Variants in SPAG17 observed in about 807,000 individuals in gnomAD.
SPAG17 encodes the protein sperm-associated antigen 17.
Under a neutral mutation model 273.6 loss-of-function variants are expected in SPAG17, and 169 were observed. That is an observed-to-expected ratio of 0.62 (90% confidence interval 0.55 to 0.70). SPAG17 has a LOEUF of 0.70. Among genes scored for constraint, SPAG17 ranks in the 30% least tolerant of loss-of-function variants. The pLI is 0.00. For missense variants in SPAG17, 2,557 were observed against 2,627.8 expected, an observed-to-expected ratio of 0.97 and a Z score of 0.59; for synonymous variants, 825 against 873.2, an observed-to-expected ratio of 0.94 and a Z score of 0.97.
chr1:117,989,600 G>A (rs1656843132), intron 38 of SPAG17, among the ~76,000 whole-genome samples: 3 of 152,054 alleles, frequency 2.0e-5, no homozygotes, highest in Admixed American at 2.0e-4. Flanking sequence ...TTTTGAGACA[G>A]GGTCTTGCTC....
chr1:118,031,651 G>C, intron 25 of SPAG17, 41 bp downstream of exon 25: 8 of 1,596,998 alleles, frequency 5.0e-6, no homozygotes, highest in Non-Finnish European at 6.8e-6. Context: ...TAACACTGAA[G>C]CAGAAACAGA....
At chr1:117,958,059 G>A (rs1311833283) in intron 48 of SPAG17, among the ~76,000 whole-genome samples, 5 of 152,118 alleles carry the variant, frequency 3.3e-5, no homozygotes, top group Non-Finnish European at 5.9e-5. Context: ...ATTCTCAAGC[G>A]GTTACAGCAG....
In SPAG17 at chr1:118,111,583, CA is replaced by C. The variant is rs1448185099; in HGVS notation, c.447+3726del. 2.1e-3 allele frequency among the ~76,000 whole-genome samples: 312 copies of C among 151,760 alleles called. 2 individuals carry two copies. Among genetic ancestry groups the C allele is most frequent in the African/African-American group, 7.2e-3 (297 of 41,362 alleles). ...ACACACACACACACACACACACACA[CA>C]CACACACAAATGGCATTACCTTGGC... On this transcript the variant is annotated intron_variant, in intron 4 of 48. Transcript: ENST00000336338.
At chr1:118,041,254 G>C (rs1205864752) in intron 21 of SPAG17, among the ~76,000 whole-genome samples, 1 of 152,078 alleles carries the variant, frequency 6.6e-6, no homozygotes, top group African/African-American at 2.4e-5. Context: ...CAGAGGTCCA[G>C]GGGATTTAAT....
chr1:117,997,454 G>A (rs1216457452), intron 32 of SPAG17, among the ~76,000 whole-genome samples: 2 of 151,366 alleles, frequency 1.3e-5, no homozygotes, highest in African/African-American at 4.9e-5. Flanking sequence ...GCTGGATCAG[G>A]GCTTATCTAC....
At chr1:118,056,987 T>C (rs561576035) in intron 18 of SPAG17, among the ~76,000 whole-genome samples, 1 of 151,938 alleles carries the variant, frequency 6.6e-6, no homozygotes, top group African/African-American at 2.4e-5. Flanking sequence ...TTTCTTTTTT[T>C]TTTTTGAGAC....
At position 118,025,380 on chromosome 1, in the gene SPAG17, A is replaced by G. The variant is rs1458512456; in HGVS notation, c.3767T>C (p.Ile1256Thr). The G allele has an allele frequency of 2.5e-6, 4 of 1,604,846 alleles. No homozygotes were observed. Among genetic ancestry groups the G allele is most frequent in the Non-Finnish European group, 3.4e-6 (4 of 1,176,744 alleles). Residue 1256 changes from isoleucine (I) to threonine (T), a missense_variant, in exon 27 of 49, where the codon ATC (isoleucine) becomes ACC (threonine). Physicochemically the swap from Ile to Thr is moderately conservative, Grantham distance 89. Transcript: ENST00000336338. ...CTGGGGGTAGCTCTGACGGACCATG[A>G]TGTCCCAGGTGGGTTCCTCATCTAT... ...YVIDEEPTWD[I>T]MVRQSYPQRV... is the part of the protein sequence containing the mutation.
chr1:118,119,636 CT>C (rs1260859982), intron 3 of SPAG17, among the ~76,000 whole-genome samples: 1 of 152,102 alleles, frequency 6.6e-6, no homozygotes, highest in East Asian at 1.9e-4. Flanking sequence ...ATATGAAGAC[CT>C]CAGCAAACAG....
intron 6 of SPAG17, 62 bp from the exon 7 acceptor site, chr1:118,097,913 T>C (rs940166524): frequency 3.3e-5 from 39 of 1,171,356 alleles, no homozygotes; most frequent in Non-Finnish European, 4.3e-5. Flanking sequence ...CCACTTTAAG[T>C]GAACATGGTG....
rs145492051 is a variant in SPAG17, at chr1:118,099,726, T to C, written c.709A>G (p.Met237Val). The C allele has an allele frequency of 4.3e-5, 69 of 1,613,828 alleles. No homozygotes were observed. The African/African-American group carries it at 7.9e-4, about 18-fold the overall frequency. The change falls in exon 6 of 49, where the codon ATG becomes GTG. Residue 237 changes from methionine to valine, a missense_variant. By Grantham distance (21) the Met-to-Val change is conservative. Transcript: ENST00000336338. ...GTTATAGGAATGCCAAGCTCAGCCA[T>C]AATTGCTAATAGCTGAGGATTGTTA... The part of the protein sequence containing the change: ...GFNNPQLLAI[M>V]AELGIPITSV...
At chr1:118,066,962 A>C in intron 17 of SPAG17, 63 bp from the exon 18 acceptor site, 2 of 1,474,642 alleles carry the variant, frequency 1.4e-6, no homozygotes, top group Non-Finnish European at 1.8e-6. Flanking sequence ...AGGGTCTCCT[A>C]CTAGGGCATT....
At chr1:118,088,909 G>T (rs1169436733) in intron 10 of SPAG17, among the ~76,000 whole-genome samples, 1 of 152,112 alleles carries the variant, frequency 6.6e-6, no homozygotes, top group African/African-American at 2.4e-5. Flanking sequence ...GAAGATAGAA[G>T]ACTTTCTTAG....
chr1:117,981,498 A>T, intron 42 of SPAG17, 97 bp from the exon 43 acceptor site: 1 of 1,300,188 alleles, frequency 7.7e-7, no homozygotes, highest in Non-Finnish European at 1.0e-6. Context: ...AAGGTGTTTT[A>T]CAATGAATGA....
In SPAG17 at chr1:118,028,408, A is replaced by G. The variant is rs768653332; in HGVS notation, c.3610-14T>C. On this transcript the variant is annotated splice_polypyrimidine_tract_variant and intron_variant, in intron 25 of 48. Coordinates refer to ENST00000336338, the MANE Select transcript of SPAG17 (RefSeq NM_206996.4). ...TACTTCTTCTTCCTGTAAATAATTC[A>G]GCATGTGAATAATGGGCTGTCATTT... 2 of 1,611,724 alleles carry G rather than the reference A, an allele frequency of 1.2e-6. No individual in the cohort carries two copies. The highest frequency in any genetic ancestry group is 2.2e-5 in the East Asian group (1 of 44,864).
intron 20 of SPAG17, among the ~76,000 whole-genome samples, chr1:118,045,586 A>G (rs1650263668): frequency 1.3e-5 from 2 of 152,216 alleles, no homozygotes. Flanking sequence ...CCAGAATAGT[A>G]AGCACAGTGT....
At position 118,133,386 on chromosome 1, in the gene SPAG17, TGGAG is replaced by T. The variant is rs1474462658; in HGVS notation, c.315+17153_315+17156del. Among the ~76,000 whole-genome samples the T allele has an allele frequency of 4.5e-3, 691 of 152,176 alleles. 7 individuals are homozygous for T. Among genetic ancestry groups the T allele is most frequent in the African/African-American group, 0.016 (664 of 41,524 alleles). ...AAGTGGACGTAAGTGTGGCTGCCCT[TGGAG>T]AAGGGCAGGCTCAGAAGTACCTAGG... On this transcript the variant is annotated intron_variant, in intron 3 of 48. Coordinates refer to ENST00000336338, the MANE Select transcript of SPAG17 (RefSeq NM_206996.4).
intron 18 of SPAG17, 58 bp downstream of exon 18, chr1:118,066,687 A>G: frequency 6.8e-7 from 1 of 1,466,136 alleles, no homozygotes; most frequent in Non-Finnish European, 9.4e-7. Flanking sequence ...GTAACTAAGT[A>G]ACTGGCAAGC....
chr1:118,086,754 C>T lies in SPAG17; in HGVS notation c.1528G>A (p.Glu510Lys), dbSNP rs1326753157. The change falls in exon 12 of 49, where the codon GAA (glutamate) becomes AAA (lysine). Residue 510 changes from glutamate to lysine, a missense_variant. Coordinates refer to ENST00000336338, the MANE Select transcript of SPAG17 (RefSeq NM_206996.4). ...NLHDIFLSEE[E>K]NESKAVPKGP... ...TTGGGCACTGCTTTGCTTTCATTTT[C>T]TTCTTCAGATAAAAATATGTCATGA... 3 of 1,613,982 alleles carry T rather than the reference C, an allele frequency of 1.9e-6. No homozygotes were observed. In the East Asian group the frequency reaches 6.7e-5, roughly 36 times the overall value.
chr1:118,012,479 T>C (rs1388498447), intron 29 of SPAG17, 107 bp from the exon 30 acceptor site: 1 of 1,297,042 alleles, frequency 7.7e-7, no homozygotes, highest in African/African-American at 1.5e-5. Flanking sequence ...GTCCTAGTTA[T>C]TTATTTATAG....
Sources: gnomAD v4.1 joint callset for allele counts (sites outside exome capture counted in the v4.1 genomes callset) on GRCh38, gnomAD v4.1.1 for gene constraint, MANE v1.5 for transcripts, NCBI Gene and HGNC (gene_info 2026-07-23, HGNC 2026-07-21) for gene names.